CLSTN2: variants seen among roughly 807,000 people sequenced by gnomAD.
The protein encoded by CLSTN2 is calsyntenin 2.
A neutral mutation model predicts 101.2 loss-of-function variants in CLSTN2; 48 were observed. The ratio of observed to expected loss-of-function variants is 0.47; its 90% confidence interval spans 0.38 to 0.60. The LOEUF is 0.60. Ranked by LOEUF, CLSTN2 falls within the 20% of genes least tolerant of loss-of-function variation. The pLI is 0.00. For missense variants in CLSTN2, 1,160 were observed against 1,238.2 expected, an observed-to-expected ratio of 0.94 and a Z score of 0.95; for synonymous variants, 481 against 463.6, an observed-to-expected ratio of 1.04 and a Z score of -0.48.
At chr3:139,979,752 C>G (rs567599217) in intron 1 of CLSTN2, among the ~76,000 whole-genome samples, 2 of 152,024 alleles carry the variant, frequency 1.3e-5, no homozygotes, top group African/African-American at 4.8e-5. Flanking sequence ...AAGATGAACT[C>G]TTTACTCTGC....
At chr3:140,299,051 C>G (rs1035393079) in intron 2 of CLSTN2, among the ~76,000 whole-genome samples, 11 of 152,212 alleles carry the variant, frequency 7.2e-5, no homozygotes, top group African/African-American at 2.7e-4. Flanking sequence ...CACCTGGGCT[C>G]TCCAGTGCTC....
rs142277914 is a variant in CLSTN2, at chr3:140,567,752, GCA to G, written c.*1502_*1503del. On this transcript the variant is annotated 3_prime_UTR_variant, in exon 17 of 17. Coordinates refer to ENST00000458420, the MANE Select transcript of CLSTN2 (RefSeq NM_022131.3). ...GCTCACACCAATTGGTTTGGCACAG[GCA>G]CAGAGCTGGTCCCTAGTTAAGTGGC... The G allele has an allele frequency of 1.1e-4, 16 of 152,268 alleles. No individual in the cohort carries two copies. Among genetic ancestry groups the G allele is most frequent in the Non-Finnish European group, 2.2e-4 (15 of 68,038 alleles). 9.4% of individuals were successfully genotyped at this position (152,268 alleles called of 1,614,324 possible). A position where few individuals can be genotyped will look rare whatever the true frequency, so the allele number is the denominator to read the frequency against.
chr3:140,423,989 G>A (rs2088534227), intron 5 of CLSTN2, among the ~76,000 whole-genome samples: 1 of 152,194 alleles, frequency 6.6e-6, no homozygotes, highest in Admixed American at 6.5e-5. Context: ...ATGGCGACTG[G>A]CCAAGGAGAA....
intron 2 of CLSTN2, among the ~76,000 whole-genome samples, chr3:140,340,518 C>T (rs564873751): frequency 1.3e-5 from 2 of 152,170 alleles, no homozygotes; most frequent in East Asian, 3.9e-4. Context: ...TTTTCCTTTC[C>T]TTTTGTTGTT....
chr3:140,429,081 G>A (rs1341203887), intron 5 of CLSTN2, among the ~76,000 whole-genome samples: 1 of 152,192 alleles, frequency 6.6e-6, no homozygotes, highest in East Asian at 1.9e-4. Context: ...CAGAAAGACA[G>A]CATCTAATCA....
chr3:140,205,150 T>G lies in CLSTN2; in HGVS notation c.232+29077T>G, dbSNP rs751277519. ...CACGTTGAGGAAATCAAAAGTCAGATAGGTTAAGTAACTTGCCAAAGATCA... is the reference window on the plus strand; with the variant it reads ...CACGTTGAGGAAATCAAAAGTCAGAGAGGTTAAGTAACTTGCCAAAGATCA... On this transcript the variant is annotated intron_variant, in intron 2 of 16. Coordinates refer to ENST00000458420, the MANE Select transcript of CLSTN2 (RefSeq NM_022131.3). 9.2e-5 allele frequency among the ~76,000 whole-genome samples: 14 copies of G among 152,316 alleles called. No individual in the cohort carries two copies. The South Asian group carries it at 2.1e-3, about 23-fold the overall frequency.
chr3:140,140,401 T>TGA (rs372472278), intron 1 of CLSTN2, among the ~76,000 whole-genome samples: 15 of 149,964 alleles, frequency 1.0e-4, no homozygotes, highest in East Asian at 7.8e-4. Flanking sequence ...CATCACATGA[T>TGA]GAGAGAGAGA....
intron 1 of CLSTN2, among the ~76,000 whole-genome samples, chr3:140,145,905 T>C (rs527368308): frequency 1.3e-5 from 2 of 152,362 alleles, no homozygotes; most frequent in South Asian, 4.1e-4. Flanking sequence ...TCATTGTCTA[T>C]GAGTGAGACT....
intron 2 of CLSTN2, among the ~76,000 whole-genome samples, chr3:140,294,351 G>A (rs2086982883): frequency 6.6e-6 from 1 of 152,064 alleles, no homozygotes; most frequent in African/African-American, 2.4e-5. Context: ...AAATAACAAA[G>A]GTTTATTTCT....
intron 15 of CLSTN2, 44 bp from the exon 16 acceptor site, chr3:140,563,917 A>G (rs1446140346): frequency 6.3e-7 from 1 of 1,586,346 alleles, no homozygotes; most frequent in Non-Finnish European, 8.6e-7. Context: ...AGAATGAGCT[A>G]GGCCTTTGTT....
intron 2 of CLSTN2, among the ~76,000 whole-genome samples, chr3:140,183,068 T>A (rs1051598636): frequency 1.3e-5 from 2 of 152,134 alleles, no homozygotes; most frequent in African/African-American, 4.8e-5. Flanking sequence ...GACCATGGGT[T>A]TCATGGTCTG....
At chr3:140,408,280 C>T (rs1331476403) in intron 4 of CLSTN2, among the ~76,000 whole-genome samples, 2 of 152,096 alleles carry the variant, frequency 1.3e-5, no homozygotes, top group Admixed American at 6.5e-5. Context: ...CAGGACACTC[C>T]CCCAAATGAC....
At chr3:140,490,835 C>T (rs148451619) in intron 8 of CLSTN2, among the ~76,000 whole-genome samples, 1 of 152,260 alleles carries the variant, frequency 6.6e-6, no homozygotes, top group East Asian at 1.9e-4. Flanking sequence ...TACCTGCCCA[C>T]ATGTAGCCAG....
intron 1 of CLSTN2, among the ~76,000 whole-genome samples, chr3:140,171,654 TTATATATTA>T (rs1266761118): frequency 8.7e-5 from 2 of 23,018 alleles, no homozygotes; most frequent in South Asian, 2.3e-3. Context: ...ATAATACGTA[TTATATATTA>T]TATATAATAT....
intron 8 of CLSTN2, among the ~76,000 whole-genome samples, chr3:140,504,326 C>G (rs114240898): frequency 1.3e-5 from 2 of 149,870 alleles, no homozygotes; most frequent in Non-Finnish European, 2.9e-5. Flanking sequence ...TTACAAATTA[C>G]TAATATTATA....
intron 2 of CLSTN2, among the ~76,000 whole-genome samples, chr3:140,343,613 G>T (rs1175720542): frequency 2.0e-5 from 3 of 152,182 alleles, no homozygotes; most frequent in Admixed American, 2.0e-4. Flanking sequence ...GCATTTTATT[G>T]TACCCAATAT....
At chr3:140,301,350 T>TAC (rs2087056210) in intron 2 of CLSTN2, among the ~76,000 whole-genome samples, 1 of 152,216 alleles carries the variant, frequency 6.6e-6, no homozygotes, top group Admixed American at 6.5e-5. Flanking sequence ...TAACATAAAT[T>TAC]ACATCTTTTA....
intron 1 of CLSTN2, among the ~76,000 whole-genome samples, chr3:139,996,350 C>T (rs2006658695): frequency 1.3e-5 from 2 of 152,204 alleles, no homozygotes; most frequent in African/African-American, 4.8e-5. Context: ...TGGCTGTCCA[C>T]ATTTACAAGA....
At chr3:139,952,964 T>C (rs1935318561) in intron 1 of CLSTN2, among the ~76,000 whole-genome samples, 1 of 152,142 alleles carries the variant, frequency 6.6e-6, no homozygotes, top group South Asian at 2.1e-4. Flanking sequence ...CGGCCCCATA[T>C]TCTACCCATA....
Sources: gnomAD v4.1 joint callset for allele counts (sites outside exome capture counted in the v4.1 genomes callset) on GRCh38, gnomAD v4.1.1 for gene constraint, MANE v1.5 for transcripts, NCBI Gene and HGNC (gene_info 2026-07-23, HGNC 2026-07-21) for gene names.